Variants in CPA6 observed in about 807,000 individuals in gnomAD.
CPA6 encodes the protein carboxypeptidase B.
A neutral mutation model predicts 63.3 loss-of-function variants in CPA6; 58 were observed. The observed-to-expected ratio is 0.92, with a 90% CI of 0.74 to 1.14. The LOEUF is 1.14. Among genes scored for constraint, CPA6 ranks in the 50% most tolerant of loss-of-function variants. The pLI is 0.00. For missense variants in CPA6, 565 were observed against 526.6 expected, an observed-to-expected ratio of 1.07 and a Z score of -0.71; for synonymous variants, 185 against 179.0, an observed-to-expected ratio of 1.03 and a Z score of -0.27.
intron 8 of CPA6, among the ~76,000 whole-genome samples, chr8:67,453,682 T>G (rs1014813626): frequency 7.2e-5 from 11 of 152,038 alleles, no homozygotes. Context: ...ACAAAATAGA[T>G]TTGGCGTCTT....
chr8:67,553,655 C>G (rs192876202), intron 2 of CPA6, among the ~76,000 whole-genome samples: 64 of 152,246 alleles, frequency 4.2e-4, no homozygotes, highest in African/African-American at 1.5e-3. Context: ...TCTTGAGTCT[C>G]AAGATTCAGA....
chr8:67,445,427 C>T lies in CPA6; in HGVS notation c.839-11187G>A, dbSNP rs765637532. On this transcript the variant is annotated intron_variant, in intron 8 of 10. Transcript: ENST00000297770. The stretch of plus-strand genomic sequence containing the variant: ...TCTTCAAATGTCTTTGATTCCTCAT[C>T]CCATCAGTAAGAAACTTTTTGCATA... Among the ~76,000 whole-genome samples, 79 of 152,166 alleles carry T rather than the reference C, an allele frequency of 5.2e-4. 2 individuals are homozygous for T. The highest frequency in any genetic ancestry group is 6.8e-3 in the Middle Eastern group (2 of 294).
intron 2 of CPA6, among the ~76,000 whole-genome samples, chr8:67,599,039 T>C (rs1814421668): frequency 6.6e-6 from 1 of 152,222 alleles, no homozygotes; most frequent in Non-Finnish European, 1.5e-5. Flanking sequence ...ATTAGCATGG[T>C]ATTTTAACAT....
intron 1 of CPA6, among the ~76,000 whole-genome samples, chr8:67,633,209 AT>A (rs1049857105): frequency 2.0e-5 from 3 of 151,906 alleles, no homozygotes; most frequent in Admixed American, 1.3e-4. Context: ...CCTAAATTCC[AT>A]TTTTTCCCCA....
At chr8:67,721,937 C>T (rs1041932115) in intron 1 of CPA6, among the ~76,000 whole-genome samples, 1 of 152,186 alleles carries the variant, frequency 6.6e-6, no homozygotes, top group Admixed American at 6.5e-5. Context: ...TGCCAGTCAC[C>T]GAGTTTCGGC....
At chr8:67,664,925 G>A (rs186761470) in intron 1 of CPA6, among the ~76,000 whole-genome samples, 92 of 152,234 alleles carry the variant, frequency 6.0e-4, no homozygotes, top group Middle Eastern at 6.8e-3. Context: ...TACTCAGAGA[G>A]TTTACTTATA....
At chr8:67,627,580 C>T in intron 1 of CPA6, among the ~76,000 whole-genome samples, 1 of 152,174 alleles carries the variant, frequency 6.6e-6, no homozygotes, top group East Asian at 1.9e-4. Flanking sequence ...AACAGCTGCT[C>T]TTATGCACAT....
intron 1 of CPA6, among the ~76,000 whole-genome samples, chr8:67,710,112 C>CAA (rs35872602): frequency 5.4e-4 from 75 of 139,072 alleles, no homozygotes; most frequent in African/African-American, 7.9e-4. Flanking sequence ...GACTTGGTTT[C>CAA]AAAAAAAAAA....
At chr8:67,647,695 C>A (rs1815742862) in intron 1 of CPA6, among the ~76,000 whole-genome samples, 1 of 152,146 alleles carries the variant, frequency 6.6e-6, no homozygotes, top group South Asian at 2.1e-4. Flanking sequence ...AAGAAGAAAA[C>A]AATTACCTGT....
chr8:67,491,367 G>A (rs946897291), intron 6 of CPA6, among the ~76,000 whole-genome samples: 4 of 151,860 alleles, frequency 2.6e-5, no homozygotes, highest in Admixed American at 6.6e-5. Context: ...AATGAAGGGT[G>A]AAAAACTGAA....
At chr8:67,686,076 G>C (rs930773374) in intron 1 of CPA6, among the ~76,000 whole-genome samples, 8 of 152,298 alleles carry the variant, frequency 5.3e-5, no homozygotes, top group South Asian at 4.1e-4. Flanking sequence ...ATAATGCATA[G>C]CATATAGTAG....
intron 2 of CPA6, among the ~76,000 whole-genome samples, chr8:67,519,686 C>A (rs777666759): frequency 6.6e-6 from 1 of 152,154 alleles, no homozygotes; most frequent in African/African-American, 2.4e-5. Context: ...CAGCGCACAA[C>A]GGAAGTGTGA....
intron 2 of CPA6, among the ~76,000 whole-genome samples, chr8:67,593,406 T>C (rs1814194233): frequency 6.6e-6 from 1 of 152,196 alleles, no homozygotes; most frequent in African/African-American, 2.4e-5. Flanking sequence ...TAGGTCCGCT[T>C]GGTGCAGACC....
chr8:67,505,571 T>C (rs1811910397), intron 6 of CPA6, among the ~76,000 whole-genome samples: 1 of 152,174 alleles, frequency 6.6e-6, no homozygotes, highest in Admixed American at 6.6e-5. Flanking sequence ...ATTGGGTATT[T>C]GATGCAACAT....
intron 2 of CPA6, 131 bp from the exon 3 acceptor site, chr8:67,518,178 G>T (rs757279538): frequency 1.5e-5 from 11 of 743,748 alleles, no homozygotes; most frequent in Non-Finnish European, 2.2e-5. Context: ...CTTAATGCTT[G>T]CATCATCAGG....
intron 2 of CPA6, among the ~76,000 whole-genome samples, chr8:67,565,446 A>G (rs1813314452): frequency 6.6e-6 from 1 of 152,130 alleles, no homozygotes; most frequent in Non-Finnish European, 1.5e-5. Flanking sequence ...TTTTAGTCAG[A>G]CCTCTGTTAG....
chr8:67,439,589 C>CAAA (rs199857229), intron 8 of CPA6, among the ~76,000 whole-genome samples: 68 of 118,648 alleles, frequency 5.7e-4, no homozygotes, highest in Admixed American at 8.2e-4. Context: ...GACTCGGTCT[C>CAAA]AAAAAAAAAA....
chr8:67,713,097 G>GTATATATATATATA (rs1172040978), intron 1 of CPA6, among the ~76,000 whole-genome samples: 3 of 60,244 alleles, frequency 5.0e-5, no homozygotes, highest in African/African-American at 1.2e-4. Context: ...GTGTGTGTGT[G>GTATATATATATATA]TGTATATATA....
intron 8 of CPA6, among the ~76,000 whole-genome samples, chr8:67,434,601 GA>G (rs914801865): frequency 7.9e-5 from 12 of 152,230 alleles, no homozygotes; most frequent in African/African-American, 2.9e-4. Flanking sequence ...CAGATAGAAA[GA>G]AAAGGCTATG....
Sources: allele counts gnomAD v4.1 joint callset (sites outside exome capture counted in the v4.1 genomes callset), GRCh38; gene constraint gnomAD v4.1.1; transcripts MANE v1.5; gene names NCBI Gene and HGNC (gene_info 2026-07-23, HGNC 2026-07-21).